Variants in SMURF2 observed in about 807,000 individuals in gnomAD.
The protein encoded by SMURF2 is SMAD specific E3 ubiquitin protein ligase 2, also known as E3 ubiquitin-protein ligase SMURF2.
In SMURF2, 48 loss-of-function variants were observed where a neutral mutation model predicts 109.6. The observed-to-expected ratio is 0.44, with a 90% CI of 0.35 to 0.56. The LOEUF is 0.56. Among genes scored for constraint, SMURF2 ranks in the 20% least tolerant of loss-of-function variants. The pLI is 0.01. For missense variants in SMURF2, 575 were observed against 909.0 expected (o/e 0.63, Z 4.72); for synonymous variants, 288 against 317.1 (o/e 0.91, Z 0.97).
At chr17:64,659,162 T>A (rs1970741999) in intron 1 of SMURF2, among the ~76,000 whole-genome samples, 1 of 151,800 alleles carries the variant, frequency 6.6e-6, no homozygotes, top group East Asian at 1.9e-4. Context: ...AGTGTGTGAG[T>A]GTGTGTGTGT....
At chr17:64,584,366 T>C (rs1208420899) in intron 6 of SMURF2, among the ~76,000 whole-genome samples, 1 of 145,422 alleles carries the variant, frequency 6.9e-6, no homozygotes, top group East Asian at 2.0e-4. Flanking sequence ...TTTTTCTTTT[T>C]TTTTTTTTTT....
chr17:64,590,937 C>T, intron 5 of SMURF2, 147 bp downstream of exon 5: 1 of 468,114 alleles, frequency 2.1e-6, no homozygotes, highest in Admixed American at 4.0e-5. Context: ...TAACCTGGAT[C>T]CTGGATTCAC....
chr17:64,573,253 GGAGGA>G (rs1969439845), intron 9 of SMURF2, among the ~76,000 whole-genome samples: 1 of 26,976 alleles, frequency 3.7e-5, no homozygotes. Flanking sequence ...GAGGAGGAGG[GGAGGA>G]GGAGGAGGAG....
At chr17:64,572,040 A>C in intron 9 of SMURF2, 84 bp from the exon 10 acceptor site, 1 of 1,148,300 alleles carries the variant, frequency 8.7e-7, no homozygotes, top group Non-Finnish European at 1.2e-6. Flanking sequence ...GAACAATTCC[A>C]CAAAGTGTGA....
In SMURF2 at chr17:64,581,847, A is replaced by G. The variant is rs1969582137; in HGVS notation, c.570-856T>C. 6.6e-6 allele frequency among the ~76,000 whole-genome samples: 1 copy of G among 151,852 alleles called. No individual in the cohort carries two copies. Among genetic ancestry groups the G allele is most frequent in the Non-Finnish European group, 1.5e-5 (1 of 67,990 alleles). ...GTAGTCCCAGCTACTCGGGAGGCTG[A>G]GGTACGAGAATTGCTTGAATCCAGG... On this transcript the variant is annotated intron_variant, in intron 7 of 18. Coordinates refer to ENST00000262435, the MANE Select transcript of SMURF2 (RefSeq NM_022739.4). This position sits in a 1 kb window ranked among gnomAD's most constrained non-coding sequence, Gnocchi z 4.3.
At chr17:64,587,893 T>C (rs1432291954) in intron 5 of SMURF2, among the ~76,000 whole-genome samples, 2 of 152,030 alleles carry the variant, frequency 1.3e-5, no homozygotes, top group African/African-American at 4.8e-5. Context: ...ATAGTAAGAT[T>C]CAAAGCTAAA....
At chr17:64,644,092 G>A (rs572020399) in intron 1 of SMURF2, among the ~76,000 whole-genome samples, 1 of 152,176 alleles carries the variant, frequency 6.6e-6, no homozygotes, top group South Asian at 2.1e-4. Context: ...TGCAACCTCT[G>A]CCTGCTGGGC....
intron 1 of SMURF2, among the ~76,000 whole-genome samples, chr17:64,647,832 G>T (rs1555693099): frequency 6.6e-6 from 1 of 151,864 alleles, no homozygotes; most frequent in African/African-American, 2.4e-5. Flanking sequence ...GAGGTGAGAG[G>T]ACTGCTTGAA....
At chr17:64,596,452 C>T (rs1317166175) in intron 3 of SMURF2, among the ~76,000 whole-genome samples, 6 of 151,710 alleles carry the variant, frequency 4.0e-5, no homozygotes, top group African/African-American at 1.2e-4. Flanking sequence ...CACCTAGAAG[C>T]CTATATTCAA....
At chr17:64,619,461 C>T (rs897382630) in intron 1 of SMURF2, among the ~76,000 whole-genome samples, 9 of 120,370 alleles carry the variant, frequency 7.5e-5, no homozygotes, top group East Asian at 2.3e-4. Context: ...CTGGGTGACA[C>T]GGCGAGACTC....
At chr17:64,643,775 C>A (rs1970521344) in intron 1 of SMURF2, among the ~76,000 whole-genome samples, 1 of 152,158 alleles carries the variant, frequency 6.6e-6, no homozygotes, top group East Asian at 1.9e-4. Flanking sequence ...CTAACTCAGT[C>A]TGGGGAAGCC....
chr17:64,630,904 T>G (rs1237844983), intron 1 of SMURF2, among the ~76,000 whole-genome samples: 1 of 151,928 alleles, frequency 6.6e-6, no homozygotes, highest in African/African-American at 2.4e-5. Context: ...TCAAATGCAG[T>G]GGTAAGGTCA....
At chr17:64,636,540 T>C (rs989504689) in intron 1 of SMURF2, among the ~76,000 whole-genome samples, 6 of 146,548 alleles carry the variant, frequency 4.1e-5, no homozygotes, top group African/African-American at 1.5e-4. Context: ...GAGGTGGAGG[T>C]TGAGTGAGAC....
At chr17:64,582,559 G>A (rs1555686660) in intron 7 of SMURF2, among the ~76,000 whole-genome samples, 1 of 152,124 alleles carries the variant, frequency 6.6e-6, no homozygotes, top group East Asian at 1.9e-4. Flanking sequence ...AGATTCCTCT[G>A]CTTATCAATT....
intron 10 of SMURF2, among the ~76,000 whole-genome samples, chr17:64,565,866 TAA>T (rs879950189): frequency 2.1e-5 from 3 of 144,136 alleles, no homozygotes; most frequent in African/African-American, 7.6e-5. Flanking sequence ...GCAAAGGAAA[TAA>T]AAAAAAAAAC....
chr17:64,605,747 A>ATATATATATATATC (rs1969960754), intron 2 of SMURF2, among the ~76,000 whole-genome samples: 1 of 110,022 alleles, frequency 9.1e-6, no homozygotes, highest in Non-Finnish European at 1.7e-5. Flanking sequence ...TAAAAAGAAT[A>ATATATATATATATC]TATATATATA....
In SMURF2 at chr17:64,547,279, G is replaced by A. The variant is rs533038464; in HGVS notation, c.2071+321C>T. 6.6e-6 allele frequency among the ~76,000 whole-genome samples: 1 copy of A among 152,296 alleles called. No homozygotes were observed. Among genetic ancestry groups the A allele is most frequent in the East Asian group, 1.9e-4 (1 of 5,178 alleles). On this transcript the variant is annotated intron_variant, in intron 17 of 18. Transcript: ENST00000262435. This position sits in a 1 kb window ranked among gnomAD's most constrained non-coding sequence, Gnocchi z 4.2. ...GGTAAACGTTTCACCAGGTCAAGAT[G>A]TGAACATGGAAGTGAACGACTTCCC... is the stretch of plus-strand genomic sequence containing the variant.
intron 1 of SMURF2, among the ~76,000 whole-genome samples, chr17:64,613,729 TGTGTGTGTGTGTGTGG>T (rs1555689826): frequency 3.7e-5 from 5 of 133,608 alleles, no homozygotes; most frequent in African/African-American, 8.4e-5. Flanking sequence ...TGTGTGTGTG[TGTGTGTGTGTGTGTGG>T]AGGGGGGGCA....
At chr17:64,636,463 C>T (rs1315353028) in intron 1 of SMURF2, among the ~76,000 whole-genome samples, 2 of 151,976 alleles carry the variant, frequency 1.3e-5, no homozygotes, top group Admixed American at 6.6e-5. Context: ...ATTAGCTGGA[C>T]GTGGTGGCAC....
Sources: allele counts gnomAD v4.1 joint callset (sites outside exome capture counted in the v4.1 genomes callset), GRCh38; gene constraint gnomAD v4.1.1; non-coding constraint Gnocchi (gnomAD v3.1); transcripts MANE v1.5; gene names NCBI Gene and HGNC (gene_info 2026-07-23, HGNC 2026-07-21).